Variants in GRIN2B observed in about 807,000 individuals in gnomAD.
The protein encoded by GRIN2B is glutamate receptor ionotropic, NMDA 2B.
Under a neutral mutation model 114.5 loss-of-function variants are expected in GRIN2B, and 5 were observed. The ratio of observed to expected loss-of-function variants is 0.04; its 90% CI spans 0.02 to 0.09. The LOEUF is 0.09. Among genes scored for constraint, GRIN2B ranks in the 10% least tolerant of loss-of-function variants. The probability of loss-of-function intolerance (pLI) is 1.00; values close to 1 mark genes in which losing one functional copy is unlikely to be tolerated. For missense variants in GRIN2B, 1,108 were observed against 1,943.5 expected (o/e 0.57, Z 8.08); for synonymous variants, 787 against 745.1 (o/e 1.06, Z -0.92).
At chr12:13,792,673 C>T (rs73053679) in intron 3 of GRIN2B, among the ~76,000 whole-genome samples, 2,447 of 152,292 alleles carry the variant, frequency 0.016, 28 homozygotes, top group South Asian at 0.047. Context: ...TGGAAGAAGA[C>T]CGCAGGGTCT....
At chr12:13,678,901 G>A (rs1950102452) in intron 4 of GRIN2B, among the ~76,000 whole-genome samples, 1 of 151,846 alleles carries the variant, frequency 6.6e-6, no homozygotes, top group Admixed American at 6.6e-5. Context: ...AACAATTTCT[G>A]GAGTCTTCAA....
intron 3 of GRIN2B, among the ~76,000 whole-genome samples, chr12:13,859,898 C>T (rs1435710507): frequency 6.6e-6 from 1 of 152,096 alleles, no homozygotes; most frequent in Non-Finnish European, 1.5e-5. Flanking sequence ...ACCCTTCATC[C>T]AAGAAATGCC....
rs1363373464 is a variant in GRIN2B, at chr12:13,556,600, T to C, written c.*6183A>G. 1 of 152,220 alleles carries C rather than the reference T, an allele frequency of 6.6e-6. No individual in the cohort carries two copies. The highest frequency in any genetic ancestry group is 1.5e-5 in the Non-Finnish European group (1 of 68,028). 9.4% of individuals were successfully genotyped at this position (152,220 alleles called of 1,614,324 possible). A position where few individuals can be genotyped will look rare whatever the true frequency, so the allele number is the denominator to read the frequency against. ...TCAGGTTTAAAGTGTGGAAACCTAA[T>C]CTTTAAAATAACAGTTTAAATTGGG... On this transcript the variant is annotated 3_prime_UTR_variant, in exon 14 of 14. Coordinates refer to ENST00000609686, the MANE Select transcript of GRIN2B (RefSeq NM_000834.5).
At chr12:13,849,721 A>G (rs1865526750) in intron 3 of GRIN2B, among the ~76,000 whole-genome samples, 1 of 152,156 alleles carries the variant, frequency 6.6e-6, no homozygotes, top group Admixed American at 6.5e-5. Context: ...GCTGTTTTCC[A>G]AGAGCATATG....
At position 13,560,619 on chromosome 12, in the gene GRIN2B, G is replaced by A. The variant is rs184633385; in HGVS notation, c.*2164C>T. ...GGCCCTTCGCCTTCTTCCTCCTGGA[G>A]GTGCCTCATGCCCTCTGTCCTCTCT... On this transcript the variant is annotated 3_prime_UTR_variant, in exon 14 of 14. Transcript: ENST00000609686. 1.3e-5 allele frequency: 2 copies of A among 152,366 alleles called. No individual in the cohort carries two copies. Among genetic ancestry groups the A allele is most frequent in the Admixed American group, 1.3e-4 (2 of 15,304 alleles). The allele number at this position is 152,366 out of a possible 1,614,324, so 9.4% of individuals were successfully genotyped here.
At chr12:13,652,003 T>C (rs1305711521) in intron 5 of GRIN2B, among the ~76,000 whole-genome samples, 1 of 152,086 alleles carries the variant, frequency 6.6e-6, no homozygotes. Flanking sequence ...CATCATGCAC[T>C]AGGAATCTAG....
intron 4 of GRIN2B, among the ~76,000 whole-genome samples, chr12:13,680,437 TG>T (rs1352233843): frequency 6.0e-4 from 3 of 4,968 alleles, no homozygotes; most frequent in Non-Finnish European, 1.3e-3. Context: ...CCATCAAGGT[TG>T]TGTGTGTGTG....
rs1867029842 is a variant in GRIN2B, at chr12:13,931,488, A to G, written c.-19+48440T>C. On this transcript the variant is annotated intron_variant, in intron 2 of 13. Transcript: ENST00000609686. ...TCACCCTCTAAAAGTAGAATGCTCC[A>G]GGGATTGATACCTGACATTTTTTCC... is the stretch of plus-strand genomic sequence containing the variant. 2.0e-5 allele frequency among the ~76,000 whole-genome samples: 3 copies of G among 152,270 alleles called. 1 individual carries two copies. The South Asian group carries it at 6.2e-4, about 32-fold the overall frequency.
At chr12:13,571,721 A>G in intron 11 of GRIN2B, 83 bp downstream of exon 11, 1 of 1,331,608 alleles carries the variant, frequency 7.5e-7, no homozygotes, top group Non-Finnish European at 1.1e-6. Context: ...CAAGCATGGT[A>G]TACCTAGTGC....
intron 3 of GRIN2B, among the ~76,000 whole-genome samples, chr12:13,814,895 C>A (rs1246127519): frequency 6.6e-6 from 1 of 152,138 alleles, no homozygotes; most frequent in East Asian, 1.9e-4. Context: ...TTCTTATTTT[C>A]TAGTTCTTCT....
At chr12:13,830,409 A>C (rs1224390498) in intron 3 of GRIN2B, among the ~76,000 whole-genome samples, 2 of 152,218 alleles carry the variant, frequency 1.3e-5, no homozygotes, top group African/African-American at 4.8e-5. Context: ...ATCCTGCAGA[A>C]ATACCCAGAG....
chr12:13,942,639 A>G (rs1867281252), intron 2 of GRIN2B, among the ~76,000 whole-genome samples: 1 of 152,174 alleles, frequency 6.6e-6, no homozygotes, highest in Non-Finnish European at 1.5e-5. Flanking sequence ...ATAATCATCT[A>G]TTTTCTATAA....
At chr12:13,906,755 T>C (rs1376477559) in intron 2 of GRIN2B, among the ~76,000 whole-genome samples, 1 of 152,228 alleles carries the variant, frequency 6.6e-6, no homozygotes, top group African/African-American at 2.4e-5. Flanking sequence ...TGTCAAAATG[T>C]GTATAAAATC....
rs567424077 is a variant in GRIN2B at position 13,562,595 on chromosome 12, GGA to G, written c.*186_*187del. 81 of 615,818 alleles carry G rather than the reference GGA, an allele frequency of 1.3e-4. No homozygotes were observed. The East Asian group carries it at 2.2e-3, about 16-fold the overall frequency. 38.1% of individuals were successfully genotyped at this position (615,818 alleles called of 1,614,324 possible). On this transcript the variant is annotated 3_prime_UTR_variant, in exon 14 of 14. Transcript: ENST00000609686. ...AAGAAGGAGAGAACTGTGAAAAGGAGGAGAGATGGTGCTGGTCACCAGGGTTG... is the reference window on the plus strand; with the variant it reads ...AAGAAGGAGAGAACTGTGAAAAGGAGGAGATGGTGCTGGTCACCAGGGTTG...
chr12:13,667,459 A>G (rs147374885), intron 5 of GRIN2B, among the ~76,000 whole-genome samples: 1 of 152,252 alleles, frequency 6.6e-6, no homozygotes, highest in African/African-American at 2.4e-5. Context: ...AAGGGGACAA[A>G]TCTTCTCACT....
chr12:13,880,635 C>A (rs1334857442), intron 2 of GRIN2B, among the ~76,000 whole-genome samples: 1 of 152,118 alleles, frequency 6.6e-6, no homozygotes, highest in Non-Finnish European at 1.5e-5. Flanking sequence ...AGTGAAGACC[C>A]CAGTTTATAA....
At chr12:13,963,156 T>C (rs1182308100) in intron 2 of GRIN2B, among the ~76,000 whole-genome samples, 1 of 152,144 alleles carries the variant, frequency 6.6e-6, no homozygotes. Flanking sequence ...TTTTAAAAAA[T>C]TTCCCTCTTT....
intron 3 of GRIN2B, among the ~76,000 whole-genome samples, chr12:13,833,067 A>G (rs144372802): frequency 7.9e-5 from 12 of 152,358 alleles, no homozygotes; most frequent in African/African-American, 1.9e-4. Context: ...ACAAATGTTC[A>G]TTGTTAAAGT....
At chr12:13,639,475 G>A (rs1475932333) in intron 5 of GRIN2B, among the ~76,000 whole-genome samples, 1 of 152,092 alleles carries the variant, frequency 6.6e-6, no homozygotes, top group East Asian at 1.9e-4. Context: ...ACTTCTCAAC[G>A]TTCAATGTCC....
Sources: allele counts gnomAD v4.1 joint callset (sites outside exome capture counted in the v4.1 genomes callset), GRCh38; gene constraint gnomAD v4.1.1; transcripts MANE v1.5; gene names NCBI Gene and HGNC (gene_info 2026-07-23, HGNC 2026-07-21).